Variants in PRKCSH observed in about 807,000 individuals in gnomAD.
The protein encoded by PRKCSH is glucosidase 2 subunit beta.
Under a neutral mutation model 79.7 loss-of-function variants are expected in PRKCSH, and 42 were observed. The ratio of observed to expected loss-of-function variants is 0.53; its 90% CI spans 0.41 to 0.68. The LOEUF (loss-of-function observed/expected upper bound fraction) is 0.68. Among genes scored for constraint, PRKCSH ranks in the 30% least tolerant of loss-of-function variants. The pLI is 0.00. For missense variants in PRKCSH, 686 were observed against 709.0 expected, an observed-to-expected ratio of 0.97 and a Z score of 0.37; for synonymous variants, 325 against 288.2, an observed-to-expected ratio of 1.13 and a Z score of -1.29.
chr19:11,448,974 TC>T lies in PRKCSH; in HGVS notation c.1350del (p.Thr451ProfsTer20), dbSNP rs1414283405. On this transcript the variant is annotated frameshift_variant, in exon 15 of 18. Coordinates refer to ENST00000677123, the MANE Select transcript of PRKCSH (RefSeq NM_001289104.2). LOFTEE classifies it high-confidence loss of function. The surrounding 1 kb of genome is among the most constrained non-coding windows in gnomAD (Gnocchi z 4.4). ...VSQKPKLGGS[P>X]TSLGTWGSWI... ...CGCAGAAACCCAAACTCGGGGGCTC[TC>T]CCACCAGCCTTGGGTGAGTGGCTTG... 1.2e-6 allele frequency: 2 copies of T among 1,614,024 alleles called. No homozygotes were observed. Among genetic ancestry groups the T allele is most frequent in the Non-Finnish European group, 1.7e-6 (2 of 1,180,032 alleles).
In PRKCSH at chr19:11,446,980, C is replaced by T; in HGVS notation, c.763-94C>T. ...GGTCATCAGGGCCCGGGGCCCAGCC[C>T]TCCCGTGCCTGGCACCGCAGCCCGG... On this transcript the variant is annotated intron_variant, in intron 9 of 17. Transcript: ENST00000677123. 3.7e-6 allele frequency: 5 copies of T among 1,368,994 alleles called. No homozygotes were observed. In the South Asian group the frequency reaches 4.7e-5, roughly 13 times the overall value. 84.8% of individuals were successfully genotyped at this position (1,368,994 alleles called of 1,614,324 possible). A position where few individuals can be genotyped will look rare whatever the true frequency, so the allele number is the denominator to read the frequency against.
rs749729197 is a variant in PRKCSH at position 11,449,451 on chromosome 19, G to A, written c.*16+23G>A. 3.7e-6 allele frequency: 6 copies of A among 1,612,130 alleles called. No homozygotes were observed. The highest frequency in any genetic ancestry group is 1.6e-4 in the Middle Eastern group (1 of 6,074). On this transcript the variant is annotated intron_variant, in intron 17 of 17. Coordinates refer to ENST00000677123, the MANE Select transcript of PRKCSH (RefSeq NM_001289104.2). This position sits in a 1 kb window ranked among gnomAD's most constrained non-coding sequence, Gnocchi z 6.4. ...GAGGTGGGCGGGGAGGTGGAGTCTC[G>A]TCGGCCTGCCCCAGCAAGGGGAGGC... is the stretch of plus-strand genomic sequence containing the variant.
chr19:11,441,449 C>T, intron 6 of PRKCSH, 92 bp downstream of exon 6: 3 of 1,191,526 alleles, frequency 2.5e-6, no homozygotes, highest in African/African-American at 1.5e-5. Context: ...TTGCCCCTGA[C>T]TGCTGTTCTG....
At chr19:11,436,753 T>A in intron 3 of PRKCSH, 1 of 495,358 alleles carries the variant, frequency 2.0e-6, no homozygotes, top group Non-Finnish European at 3.7e-6. Flanking sequence ...CCGAAGGTGC[T>A]GCAGATGGAG....
At position 11,447,540 on chromosome 19, in the gene PRKCSH, G is replaced by A. The variant is rs1315466073; in HGVS notation, c.951G>A (p.Glu317=). 2 of 1,602,940 alleles carry A rather than the reference G, an allele frequency of 1.2e-6. No homozygotes were observed. The highest frequency in any genetic ancestry group is 2.2e-5 in the East Asian group (1 of 44,592). The change falls in exon 11 of 18, where the codon GAG becomes GAA. Residue 317 remains glutamate, a synonymous_variant. Coordinates refer to ENST00000677123, the MANE Select transcript of PRKCSH (RefSeq NM_001289104.2). The surrounding 1 kb of genome is among the most constrained non-coding windows in gnomAD (Gnocchi z 5.6). ...CGTCGCCCACAGAGGAGGAGGAGGAGGAGGAGGAGGAGGAGGAAGAAGAGG... is the reference window on the plus strand; with the variant it reads ...CGTCGCCCACAGAGGAGGAGGAGGAAGAGGAGGAGGAGGAGGAAGAAGAGG... ...VPSSPTEEEE[E]EEEEEEEEAE...
At chr19:11,438,483 G>A (rs972972656) in intron 5 of PRKCSH, among the ~76,000 whole-genome samples, 5 of 151,996 alleles carry the variant, frequency 3.3e-5, no homozygotes, top group Admixed American at 6.6e-5. Context: ...GAGGCCAGGC[G>A]CGGTGGCTCA....
intron 5 of PRKCSH, 40 bp downstream of exon 5, chr19:11,438,164 A>G (rs1409314504): frequency 1.2e-6 from 2 of 1,609,422 alleles, no homozygotes; most frequent in Non-Finnish European, 1.7e-6. Context: ...CCCCACCCCA[A>G]GACTTTGCCT....
chr19:11,436,577 C>T, intron 3 of PRKCSH, 72 bp downstream of exon 3: 7 of 1,213,952 alleles, frequency 5.8e-6, no homozygotes, highest in Non-Finnish European at 8.3e-6. Flanking sequence ...GTCTGTGTGA[C>T]CAAGATACTA....
At chr19:11,442,548 G>C (rs1292341233) in intron 7 of PRKCSH, 33 bp downstream of exon 7, 1 of 1,604,568 alleles carries the variant, frequency 6.2e-7, no homozygotes, top group Non-Finnish European at 8.5e-7. Flanking sequence ...CTCACCTTCA[G>C]TCCTGGGTGG....
Position 11,447,376 on chromosome 19 carries a change from G to A in PRKCSH, c.850-63G>A. The A allele has an allele frequency of 1.3e-6, 2 of 1,562,236 alleles. No homozygotes were observed. Among genetic ancestry groups the A allele is most frequent in the Non-Finnish European group, 1.8e-6 (2 of 1,138,750 alleles). On this transcript the variant is annotated intron_variant, in intron 10 of 17. Transcript: ENST00000677123. This position sits in a 1 kb window ranked among gnomAD's most constrained non-coding sequence, Gnocchi z 5.6. Reference sequence around the variant, plus strand: ...CCGAGGCTGCCCCTTGGGCTGTGGTGTGAGCCTGAGGGTGTGGGTGGACCC... The same window carrying A: ...CCGAGGCTGCCCCTTGGGCTGTGGTATGAGCCTGAGGGTGTGGGTGGACCC...
intron 6 of PRKCSH, 76 bp downstream of exon 6, chr19:11,441,433 AG>A: frequency 7.0e-7 from 1 of 1,425,118 alleles, no homozygotes; most frequent in East Asian, 2.3e-5. Context: ...AAGGCTGGGG[AG>A]GGGTTTGCCC....
At position 11,449,432 on chromosome 19, in the gene PRKCSH, G is replaced by A; in HGVS notation, c.*16+4G>A. ...CTCTAGCTGGATGGGCGCAGAGGTG[G>A]GCGGGGAGGTGGAGTCTCGTCGGCC... On this transcript the variant is annotated splice_donor_region_variant and intron_variant, in intron 17 of 17. Transcript: ENST00000677123. The surrounding 1 kb of genome is among the most constrained non-coding windows in gnomAD (Gnocchi z 6.4). The A allele has an allele frequency of 6.2e-7, 1 of 1,612,846 alleles. No homozygotes were observed. Among genetic ancestry groups the A allele is most frequent in the Non-Finnish European group, 8.5e-7 (1 of 1,179,852 alleles).
At chr19:11,443,269 C>T (rs914085012) in intron 7 of PRKCSH, among the ~76,000 whole-genome samples, 4 of 150,976 alleles carry the variant, frequency 2.6e-5, no homozygotes, top group Admixed American at 6.6e-5. Flanking sequence ...AAATTATGGC[C>T]GGGCACAGTG....
At chr19:11,439,605 CTTTTTTTTTTTTTTTTTT>C (rs758607686) in intron 5 of PRKCSH, among the ~76,000 whole-genome samples, 1 of 68,832 alleles carries the variant, frequency 1.5e-5, no homozygotes, top group Admixed American at 1.8e-4. Context: ...TTTTTCTTTT[CTTTTTTTTTTTTTTTTTT>C]TTTTTTTTTG....
At position 11,447,215 on chromosome 19, in the gene PRKCSH, C is replaced by T. The variant is rs115583278; in HGVS notation, c.849+55C>T. The T allele has an allele frequency of 2.0e-3, 3,145 of 1,579,960 alleles. 5 individuals carry two copies. Among genetic ancestry groups the T allele is most frequent in the Non-Finnish European group, 2.5e-3 (2,891 of 1,153,246 alleles). The stretch of plus-strand genomic sequence containing the variant: ...TCCTCCCACCACACTGCCCCCACCC[C>T]GCCTCACAAAGGAGCTGCCTCTGGT... On this transcript the variant is annotated intron_variant, in intron 10 of 17. Coordinates refer to ENST00000677123, the MANE Select transcript of PRKCSH (RefSeq NM_001289104.2). This position sits in a 1 kb window ranked among gnomAD's most constrained non-coding sequence, Gnocchi z 5.6.
At chr19:11,436,366 G>A in intron 2 of PRKCSH, 23 bp from the exon 3 acceptor site, 1 of 1,610,762 alleles carries the variant, frequency 6.2e-7, no homozygotes, top group African/African-American at 1.3e-5. Flanking sequence ...CCTGCCCTGG[G>A]CTGAGCTTCC....
Position 11,447,617 on chromosome 19 carries a change from A to G in PRKCSH, c.1028A>G (p.Lys343Arg). The G allele has an allele frequency of 6.3e-7, 1 of 1,584,562 alleles. No individual in the cohort carries two copies. Among genetic ancestry groups the G allele is most frequent in the Non-Finnish European group, 8.6e-7 (1 of 1,165,850 alleles). ...EDSEVQGEQP[K>R]EAPPPLSPPQ... ...TCCGAGGTGCAGGGGGAGCAGCCCA[A>G]GGTCCGTGTTTGGGGGAGAAGTGGA... Residue 343 changes from lysine (K) to arginine (R), a missense_variant and splice_region_variant, in exon 11 of 18, where the codon AAG (lysine) becomes AGG (arginine). Lys to Arg is a conservative substitution (Grantham distance 26). Around this residue, in one of 2 missense-constraint regions of PRKCSH, gnomAD observed 549 missense variants for 520.2 expected, o/e 1.06. Coordinates refer to ENST00000677123, the MANE Select transcript of PRKCSH (RefSeq NM_001289104.2). This position sits in a 1 kb window ranked among gnomAD's most constrained non-coding sequence, Gnocchi z 5.6.
intron 17 of PRKCSH, among the ~76,000 whole-genome samples, chr19:11,450,144 A>G (rs1326010874): frequency 6.6e-6 from 1 of 150,890 alleles, no homozygotes; most frequent in African/African-American, 2.4e-5. Context: ...ATGTCTGGCC[A>G]TCCCCTGCTT....
chr19:11,437,741 C>T lies in PRKCSH; in HGVS notation c.197-135C>T, dbSNP rs1254694113. 1.2e-5 allele frequency: 10 copies of T among 836,186 alleles called. 1 individual carries two copies. The highest frequency in any genetic ancestry group is 2.5e-5 in the East Asian group (1 of 40,482). The allele number at this position is 836,186 out of a possible 1,614,324, so 51.8% of individuals were successfully genotyped here. A position where few individuals can be genotyped will look rare whatever the true frequency, so the allele number is the denominator to read the frequency against. ...CGAGCCCTGGCTGTGCAGTGTACAACTCTTTCCTTCCTTTGGTTTCCTTTC... is the reference window on the plus strand; with the variant it reads ...CGAGCCCTGGCTGTGCAGTGTACAATTCTTTCCTTCCTTTGGTTTCCTTTC... On this transcript the variant is annotated intron_variant, in intron 3 of 17. Transcript: ENST00000677123.
Sources: gnomAD v4.1 joint callset for allele counts (sites outside exome capture counted in the v4.1 genomes callset) on GRCh38, gnomAD v4.1.1 for gene constraint, gnomAD v4.1.1 regional missense constraint, Gnocchi (gnomAD v3.1) non-coding constraint, MANE v1.5 for transcripts, NCBI Gene and HGNC (gene_info 2026-07-23, HGNC 2026-07-21) for gene names.